Variants in ABCG2 observed in about 807,000 individuals in gnomAD.
ABCG2 encodes the protein ATP binding cassette subfamily G member 2 (JR blood group).
ABCG2 carries 80 observed loss-of-function variants against 73.5 expected under a neutral mutation model. That is an observed-to-expected ratio of 1.09 (90% CI 0.91 to 1.31). The LOEUF is 1.31. Ranked by LOEUF, ABCG2 falls within the 50% of genes most tolerant of loss-of-function variation. ABCG2 has a pLI of 0.00. For missense variants in ABCG2, 796 were observed against 786.2 expected (o/e 1.01, Z -0.15); for synonymous variants, 269 against 282.4 (o/e 0.95, Z 0.48).
At chr4:88,127,334 G>T (rs1373133136) in intron 5 of ABCG2, among the ~76,000 whole-genome samples, 2 of 152,090 alleles carry the variant, frequency 1.3e-5, no homozygotes, top group African/African-American at 4.8e-5. Flanking sequence ...CATGAGAATG[G>T]CCATACTGCC....
At chr4:88,137,059 A>G (rs1423198740) in intron 2 of ABCG2, among the ~76,000 whole-genome samples, 3 of 148,016 alleles carry the variant, frequency 2.0e-5, no homozygotes, top group Admixed American at 6.6e-5. Flanking sequence ...ATAAAATAAA[A>G]TAAGAATGAG....
intron 1 of ABCG2, among the ~76,000 whole-genome samples, chr4:88,154,302 G>A (rs991538823): frequency 2.0e-5 from 3 of 152,216 alleles, no homozygotes; most frequent in Non-Finnish European, 4.4e-5. Context: ...TTTGAGAAGC[G>A]TTTTTATTAA....
intron 1 of ABCG2, among the ~76,000 whole-genome samples, chr4:88,165,173 T>C (rs2110088970): frequency 6.6e-6 from 1 of 152,296 alleles, no homozygotes; most frequent in African/African-American, 2.4e-5. Context: ...AGGGTATGGG[T>C]GTGAATGGCT....
At chr4:88,219,575 A>ATTTT (rs1729933644) in intron 1 of ABCG2, among the ~76,000 whole-genome samples, 5 of 68,358 alleles carry the variant, frequency 7.3e-5, no homozygotes, top group Admixed American at 2.3e-4. Flanking sequence ...GTACCATTCA[A>ATTTT]ATTTTTTTTT....
chr4:88,119,741 G>A (rs1723832888), intron 6 of ABCG2, among the ~76,000 whole-genome samples: 1 of 152,132 alleles, frequency 6.6e-6, no homozygotes, highest in Admixed American at 6.5e-5. Flanking sequence ...TTCAAGAGGT[G>A]ACTCGGGTGC....
At chr4:88,208,258 T>C (rs1729455496) in intron 1 of ABCG2, among the ~76,000 whole-genome samples, 1 of 152,154 alleles carries the variant, frequency 6.6e-6, no homozygotes, top group Non-Finnish European at 1.5e-5. Context: ...TACTCATAGC[T>C]AAGATTTATT....
intron 1 of ABCG2, among the ~76,000 whole-genome samples, chr4:88,168,260 G>A (rs964244699): frequency 4.6e-5 from 7 of 152,090 alleles, no homozygotes; most frequent in African/African-American, 1.7e-4. Context: ...AGGCTGAAGC[G>A]GGTGGATCAT....
At chr4:88,194,367 G>T (rs1007710383) in intron 1 of ABCG2, among the ~76,000 whole-genome samples, 4 of 151,638 alleles carry the variant, frequency 2.6e-5, no homozygotes, top group Non-Finnish European at 5.9e-5. Context: ...TGGCTAACAC[G>T]GTTAAACCCC....
intron 6 of ABCG2, 68 bp downstream of exon 6, chr4:88,121,567 C>T: frequency 7.0e-7 from 1 of 1,437,506 alleles, no homozygotes; most frequent in Non-Finnish European, 9.5e-7. Context: ...AACCCCCTGC[C>T]CCAAGAATAT....
Position 88,201,209 on chromosome 4 carries a change from C to CAAAAAA in ABCG2, c.-20+29779_-20+29784dup, listed in dbSNP as rs3061250. ...TATAAGTCTCCAGTTGCACTAACTG[C>CAAAAAA]AAAAAAAAAAAAAAAAAGAGAGAGG... On this transcript the variant is annotated intron_variant, in intron 1 of 15. Transcript: ENST00000515655. 4.7e-5 allele frequency among the ~76,000 whole-genome samples: 5 copies of CAAAAAA among 106,276 alleles called. 1 individual carries two copies. Among genetic ancestry groups the CAAAAAA allele is most frequent in the African/African-American group, 1.1e-4 (3 of 26,992 alleles). The allele number at this position is 106,276 out of a possible 152,430, so 69.7% of individuals were successfully genotyped here.
intron 2 of ABCG2, among the ~76,000 whole-genome samples, chr4:88,138,002 T>C (rs968953851): frequency 3.3e-5 from 5 of 151,700 alleles, no homozygotes; most frequent in Non-Finnish European, 7.4e-5. Context: ...ACACAGAAAA[T>C]TTTTAATTAG....
chr4:88,139,049 G>A (rs1451201418), intron 2 of ABCG2, among the ~76,000 whole-genome samples: 1 of 151,566 alleles, frequency 6.6e-6, no homozygotes, highest in African/African-American at 2.4e-5. Flanking sequence ...GCTGAGGCAG[G>A]AGAATCACTT....
chr4:88,115,256 CTA>C (rs1553933372), intron 7 of ABCG2, among the ~76,000 whole-genome samples, 198 bp from the exon 8 acceptor site: 950 of 69,824 alleles, frequency 0.014, 33 homozygotes, highest in African/African-American at 0.049. Flanking sequence ...CTCTCTCTCT[CTA>C]TATATATATA....
At chr4:88,101,862 G>C (rs1722446606) in intron 10 of ABCG2, among the ~76,000 whole-genome samples, 1 of 152,222 alleles carries the variant, frequency 6.6e-6, no homozygotes, top group Admixed American at 6.5e-5. Context: ...TGTTGTTTAA[G>C]CCACTTGCTC....
In ABCG2 at chr4:88,132,638, G is replaced by A. The variant is rs34124189; in HGVS notation, c.204-3C>T. ...TGAGACCAGGTTTCATGATCCCACT[G>A]TAAACACAAAAACAGACTGATTTAC... On this transcript the variant is annotated splice_polypyrimidine_tract_variant and splice_region_variant and intron_variant, in intron 2 of 15. Transcript: ENST00000237612. 1.4e-3 allele frequency: 2,271 copies of A among 1,614,082 alleles called. 34 individuals carry two copies. The African/African-American group carries it at 0.028, about 20-fold the overall frequency.
chr4:88,196,717 C>G (rs997068318), intron 1 of ABCG2, among the ~76,000 whole-genome samples: 1 of 150,646 alleles, frequency 6.6e-6, no homozygotes, highest in South Asian at 2.1e-4. Context: ...ACTAGCATAC[C>G]GAAAAGATCA....
intron 1 of ABCG2, among the ~76,000 whole-genome samples, chr4:88,205,979 C>A (rs1209793265): frequency 6.6e-6 from 1 of 152,226 alleles, no homozygotes; most frequent in East Asian, 1.9e-4. Flanking sequence ...CCACGCCCAG[C>A]CACCATTTAT....
rs2110122227 is a variant in ABCG2 at position 88,210,205 on chromosome 4, AC to A, written c.-20+20788del. Among the ~76,000 whole-genome samples the A allele has an allele frequency of 2.0e-5, 3 of 152,026 alleles. No individual in the cohort carries two copies. In the South Asian group the frequency reaches 6.2e-4, roughly 32 times the overall value. ...ATCCTACACACACACACACACACACACACACACACACACACATATACATATA... is the reference window on the plus strand; with the variant it reads ...ATCCTACACACACACACACACACACAACACACACACACACATATACATATA... On this transcript the variant is annotated intron_variant, in intron 1 of 15. Transcript: ENST00000515655.
chr4:88,203,973 A>G (rs1729282880), intron 1 of ABCG2, among the ~76,000 whole-genome samples: 3 of 152,150 alleles, frequency 2.0e-5, no homozygotes, highest in Admixed American at 1.3e-4. Context: ...GCCAGCTCCA[A>G]ACTTTAAAAG....
Sources: allele counts gnomAD v4.1 joint callset (sites outside exome capture counted in the v4.1 genomes callset), GRCh38; gene constraint gnomAD v4.1.1; transcripts MANE v1.5; gene names NCBI Gene and HGNC (gene_info 2026-07-23, HGNC 2026-07-21).